Variants in LRRTM3 observed in about 807,000 individuals in gnomAD.
The protein encoded by LRRTM3 is leucine-rich repeat transmembrane neuronal protein 3.
In LRRTM3, 24 loss-of-function variants were observed where a neutral mutation model predicts 44.7. The observed-to-expected ratio is 0.54, with a 90% CI of 0.39 to 0.76. The LOEUF (loss-of-function observed/expected upper bound fraction) is 0.76, where lower values mean the gene tolerates loss of function less well. Ranked by LOEUF, LRRTM3 falls within the 30% of genes least tolerant of loss-of-function variation. LRRTM3 has a pLI of 0.00. For synonymous variants in LRRTM3, 277 were observed against 278.7 expected, an observed-to-expected ratio of 0.99 and a Z score of 0.06; for missense variants, 587 against 702.2, an observed-to-expected ratio of 0.84 and a Z score of 1.85.
At chr10:67,082,381 G>A (rs1326690940) in intron 2 of LRRTM3, among the ~76,000 whole-genome samples, 1 of 152,134 alleles carries the variant, frequency 6.6e-6, no homozygotes, top group Non-Finnish European at 1.5e-5. Flanking sequence ...CGCTAGCACT[G>A]AGCAGAAGGA....
chr10:66,989,769 G>T (rs144918092), intron 2 of LRRTM3, among the ~76,000 whole-genome samples: 1 of 152,172 alleles, frequency 6.6e-6, no homozygotes, highest in East Asian at 1.9e-4. Context: ...ATGGCACAGA[G>T]GATTATCATA....
At chr10:67,019,857 C>T (rs919293931) in intron 2 of LRRTM3, among the ~76,000 whole-genome samples, 2 of 152,276 alleles carry the variant, frequency 1.3e-5, no homozygotes, top group East Asian at 1.9e-4. Context: ...GTTCCTCTTC[C>T]GTTCTTGCCT....
rs754590989 is a variant in LRRTM3 at position 66,926,261 on chromosome 10, GT to G, written c.-313del. 1,180 of 407,588 alleles carry G rather than the reference GT, an allele frequency of 2.9e-3. No individual in the cohort carries two copies. Among genetic ancestry groups the G allele is most frequent in the South Asian group, 4.8e-3 (178 of 36,884 alleles). 25.2% of individuals were successfully genotyped at this position (407,588 alleles called of 1,614,324 possible). Reference sequence around the variant, plus strand: ...CGATAAGAAGAAATTGTAGGATCCAGTTTTTTTTTTAACCGCCCCCTCCCCA... The same window carrying G: ...CGATAAGAAGAAATTGTAGGATCCAGTTTTTTTTTAACCGCCCCCTCCCCA... On this transcript the variant is annotated 5_prime_UTR_variant, in exon 1 of 3. Coordinates refer to ENST00000361320, the MANE Select transcript of LRRTM3 (RefSeq NM_178011.5).
At chr10:67,004,188 T>C (rs189218130) in intron 2 of LRRTM3, among the ~76,000 whole-genome samples, 96 of 152,246 alleles carry the variant, frequency 6.3e-4, no homozygotes, top group African/African-American at 2.0e-3. Flanking sequence ...AACAGGGTCA[T>C]TGAATTGAGA....
At chr10:67,034,351 T>C (rs751462633) in intron 2 of LRRTM3, among the ~76,000 whole-genome samples, 1 of 152,200 alleles carries the variant, frequency 6.6e-6, no homozygotes, top group African/African-American at 2.4e-5. Context: ...CTCACACTTG[T>C]AAGTGATGAG....
intron 2 of LRRTM3, among the ~76,000 whole-genome samples, chr10:67,019,256 T>C (rs1852842419): frequency 6.6e-6 from 1 of 152,250 alleles, no homozygotes; most frequent in South Asian, 2.1e-4. Context: ...TCTCGCTCTG[T>C]TGCCCAGGCT....
At chr10:67,080,984 A>C (rs537501186) in intron 2 of LRRTM3, among the ~76,000 whole-genome samples, 1 of 152,136 alleles carries the variant, frequency 6.6e-6, no homozygotes, top group African/African-American at 2.4e-5. Flanking sequence ...CTAAAGCTAA[A>C]CAATAAATCA....
intron 2 of LRRTM3, among the ~76,000 whole-genome samples, chr10:67,065,819 C>T (rs1214598519): frequency 6.6e-6 from 1 of 152,026 alleles, no homozygotes; most frequent in African/African-American, 2.4e-5. Context: ...GCAAGTTATG[C>T]TAAACCAGTG....
intron 2 of LRRTM3, among the ~76,000 whole-genome samples, chr10:67,084,685 A>C (rs1041669117): frequency 6.6e-6 from 1 of 151,938 alleles, no homozygotes; most frequent in African/African-American, 2.4e-5. Flanking sequence ...ACACTTAAAT[A>C]ACAGAGTAAA....
intron 2 of LRRTM3, among the ~76,000 whole-genome samples, chr10:66,935,762 T>G (rs1348780033): frequency 6.6e-6 from 1 of 151,260 alleles, no homozygotes; most frequent in Non-Finnish European, 1.5e-5. Flanking sequence ...AAGTGTTTTA[T>G]GCGTTTCGTA....
chr10:67,000,120 G>A (rs1426113347), intron 2 of LRRTM3, among the ~76,000 whole-genome samples: 2 of 152,154 alleles, frequency 1.3e-5, no homozygotes, highest in Admixed American at 6.5e-5. Flanking sequence ...AGGCTCTATT[G>A]TAAAAATATA....
At chr10:67,095,591 C>T (rs1419432948) in intron 2 of LRRTM3, among the ~76,000 whole-genome samples, 1 of 151,742 alleles carries the variant, frequency 6.6e-6, no homozygotes, top group Non-Finnish European at 1.5e-5. Context: ...ATAAATGTAT[C>T]ATGGTTTATT....
chr10:67,068,410 CTG>C (rs1856225025), intron 2 of LRRTM3, among the ~76,000 whole-genome samples: 1 of 152,142 alleles, frequency 6.6e-6, no homozygotes, highest in South Asian at 2.1e-4. Context: ...TTCGATGGAT[CTG>C]TCTGTTAAGT....
chr10:66,998,614 AT>A (rs1423754607), intron 2 of LRRTM3, among the ~76,000 whole-genome samples: 3 of 152,214 alleles, frequency 2.0e-5, no homozygotes, highest in African/African-American at 7.2e-5. Context: ...CACATTGGAA[AT>A]AAAGAAGTTT....
intron 2 of LRRTM3, among the ~76,000 whole-genome samples, chr10:67,016,773 T>C (rs1227737981): frequency 6.6e-6 from 1 of 152,222 alleles, no homozygotes; most frequent in Non-Finnish European, 1.5e-5. Context: ...GAGGCTTCCT[T>C]GCTTTCTTGG....
chr10:67,089,163 T>C (rs1399282071), intron 2 of LRRTM3, among the ~76,000 whole-genome samples: 2 of 152,122 alleles, frequency 1.3e-5, no homozygotes, highest in African/African-American at 2.4e-5. Flanking sequence ...CAATCCCCCA[T>C]GGATACTGAG....
At chr10:66,951,774 T>G (rs1331286743) in intron 2 of LRRTM3, among the ~76,000 whole-genome samples, 3 of 152,178 alleles carry the variant, frequency 2.0e-5, no homozygotes, top group Non-Finnish European at 4.4e-5. Context: ...CATTTAATAC[T>G]ACACTGGGAA....
Position 67,030,952 on chromosome 10 carries a change from C to T in LRRTM3, c.1537-66635C>T, listed in dbSNP as rs567734443. ...CCGAGAGGTGGAGGTTGCAGTGAGC[C>T]GAGATTGCATCGCTGCACTCCAGCC... On this transcript the variant is annotated intron_variant, in intron 2 of 2. Transcript: ENST00000361320. Among the ~76,000 whole-genome samples, 7 of 151,948 alleles carry T rather than the reference C, an allele frequency of 4.6e-5. No individual in the cohort carries two copies. In the South Asian group the frequency reaches 1.5e-3, roughly 32 times the overall value.
At chr10:67,048,313 T>C (rs1040586792) in intron 2 of LRRTM3, among the ~76,000 whole-genome samples, 1 of 152,094 alleles carries the variant, frequency 6.6e-6, no homozygotes, top group African/African-American at 2.4e-5. Flanking sequence ...AAAGCCAGTC[T>C]GTGATTTTGC....
Sources: gnomAD v4.1 joint callset for allele counts (sites outside exome capture counted in the v4.1 genomes callset) on GRCh38, gnomAD v4.1.1 for gene constraint, MANE v1.5 for transcripts, NCBI Gene and HGNC (gene_info 2026-07-23, HGNC 2026-07-21) for gene names.